The following DLGAP4 variants were observed in gnomAD, a reference collection of about 807,000 sequenced individuals.
The protein encoded by DLGAP4 is disks large-associated protein 4.
DLGAP4 carries 18 observed loss-of-function variants against 86.9 expected under a neutral mutation model. The ratio of observed to expected loss-of-function variants is 0.21; its 90% CI spans 0.14 to 0.31. The LOEUF is 0.31. Among genes scored for constraint, DLGAP4 ranks in the 10% least tolerant of loss-of-function variants. The pLI, the probability that DLGAP4 is intolerant of heterozygous loss-of-function variation, is 1.00. For missense variants in DLGAP4, 1,085 were observed against 1,362.6 expected (o/e 0.80, Z 3.21); for synonymous variants, 548 against 574.3 (o/e 0.95, Z 0.65).
intron 2 of DLGAP4, among the ~76,000 whole-genome samples, chr20:36,402,174 C>T (rs971463213): frequency 6.6e-6 from 1 of 152,224 alleles, no homozygotes; most frequent in Non-Finnish European, 1.5e-5. Flanking sequence ...AGGTTCCGTG[C>T]TAGGGCTCTA....
At chr20:36,516,669 A>G (rs536551495) in intron 10 of DLGAP4, among the ~76,000 whole-genome samples, 18 of 134,198 alleles carry the variant, frequency 1.3e-4, no homozygotes, top group Middle Eastern at 3.8e-3. Context: ...CCGTCTCAGG[A>G]AAAAAAAAAA....
At chr20:36,453,662 G>A (rs1305460404) in intron 7 of DLGAP4, among the ~76,000 whole-genome samples, 1 of 151,978 alleles carries the variant, frequency 6.6e-6, no homozygotes, top group African/African-American at 2.4e-5. Flanking sequence ...GCTGGGCACG[G>A]TGGGTCACAC....
chr20:36,407,400 A>C (rs1421384740), intron 2 of DLGAP4, among the ~76,000 whole-genome samples: 1 of 152,062 alleles, frequency 6.6e-6, no homozygotes, highest in Non-Finnish European at 1.5e-5. Context: ...CCATTCATTC[A>C]CCAGGCTTTT....
chr20:36,391,182 G>A (rs1405323256), intron 2 of DLGAP4, among the ~76,000 whole-genome samples: 1 of 152,146 alleles, frequency 6.6e-6, no homozygotes, highest in African/African-American at 2.4e-5. Flanking sequence ...CCTGGCCTCA[G>A]CTGCAGTGGC....
chr20:36,359,487 G>C (rs1555894060), intron 1 of DLGAP4, among the ~76,000 whole-genome samples: 1 of 152,108 alleles, frequency 6.6e-6, no homozygotes, highest in Non-Finnish European at 1.5e-5. Context: ...CCTTCCGCAG[G>C]GGCTTCTGAG....
At chr20:36,474,994 T>C (rs1435305739) in intron 7 of DLGAP4, among the ~76,000 whole-genome samples, 3 of 151,874 alleles carry the variant, frequency 2.0e-5, no homozygotes, top group Non-Finnish European at 2.9e-5. Flanking sequence ...TGCTGAGAAA[T>C]TGGGGAAGGC....
intron 7 of DLGAP4, among the ~76,000 whole-genome samples, chr20:36,450,904 C>T (rs1722855477): frequency 6.6e-6 from 1 of 152,202 alleles, no homozygotes; most frequent in Non-Finnish European, 1.5e-5. Flanking sequence ...TGATTAGGTA[C>T]AAGTTCTCCC....
At chr20:36,339,801 C>G (rs1309006932) in intron 1 of DLGAP4, among the ~76,000 whole-genome samples, 3 of 152,194 alleles carry the variant, frequency 2.0e-5, no homozygotes, top group African/African-American at 7.2e-5. Context: ...GCTGTGTTTC[C>G]TGTGGAGAGG....
intron 11 of DLGAP4, among the ~76,000 whole-genome samples, chr20:36,524,825 C>T (rs2037607616): frequency 6.6e-6 from 1 of 151,748 alleles, no homozygotes; most frequent in Non-Finnish European, 1.5e-5. Context: ...TCGCCTGAAC[C>T]CGGGAGACAG....
chr20:36,371,250 G>A (rs968229805), intron 2 of DLGAP4, among the ~76,000 whole-genome samples: 1 of 152,226 alleles, frequency 6.6e-6, no homozygotes, highest in Non-Finnish European at 1.5e-5. Context: ...ATGGAGCGGG[G>A]TAGTCTGCTA....
intron 10 of DLGAP4, among the ~76,000 whole-genome samples, chr20:36,514,588 CTTT>C (rs2036926894): frequency 6.6e-6 from 1 of 151,982 alleles, no homozygotes; most frequent in Non-Finnish European, 1.5e-5. Flanking sequence ...TTAAAAATTT[CTTT>C]TTTATAGAGA....
rs1319048572 is a variant in DLGAP4, at chr20:36,467,062, CT to C, written c.1648+20126del. On this transcript the variant is annotated intron_variant, in intron 7 of 12. Transcript: ENST00000339266. The stretch of plus-strand genomic sequence containing the variant: ...TCTCTCTCTCTCTCTCTCTCTCTCT[CT>C]CCCCCCCCCTTCTCTCGGCCCTGCC... Among the ~76,000 whole-genome samples the C allele has an allele frequency of 6.4e-3, 693 of 108,288 alleles. 21 individuals are homozygous for C. The highest frequency in any genetic ancestry group is 9.5e-3 in the Non-Finnish European group (508 of 53,460). The allele number at this position is 108,288 out of a possible 152,430, so 71.0% of individuals were successfully genotyped here.
intron 10 of DLGAP4, among the ~76,000 whole-genome samples, chr20:36,512,292 C>T (rs572407397): frequency 3.3e-5 from 5 of 151,994 alleles, no homozygotes; most frequent in South Asian, 2.1e-4. Context: ...CCTCGTGATC[C>T]GCCCACCGCA....
intron 7 of DLGAP4, among the ~76,000 whole-genome samples, chr20:36,475,801 A>C (rs1176237141): frequency 1.3e-5 from 2 of 152,134 alleles, no homozygotes; most frequent in Non-Finnish European, 2.9e-5. Flanking sequence ...GCTGGGGCTC[A>C]TTCTTCAGTG....
chr20:36,467,053 T>TCTCTCTCTCTCTCTCTCC (rs2034431914), intron 7 of DLGAP4, among the ~76,000 whole-genome samples: 2 of 120,840 alleles, frequency 1.7e-5, no homozygotes, highest in African/African-American at 7.9e-5. Flanking sequence ...TCTCTCTCTC[T>TCTCTCTCTCTCTCTCTCC]CTCTCTCTCT....
intron 7 of DLGAP4, among the ~76,000 whole-genome samples, chr20:36,485,446 A>T (rs537662302): frequency 1.3e-5 from 2 of 152,052 alleles, no homozygotes; most frequent in Non-Finnish European, 2.9e-5. Context: ...CGCTGGGCCC[A>T]GGTTTCCAAC....
chr20:36,492,928 C>A, intron 7 of DLGAP4: 1 of 152,172 alleles, frequency 6.6e-6, no homozygotes, highest in Non-Finnish European at 1.5e-5. Flanking sequence ...TCAAGAGTTG[C>A]TCTAAACAAA....
chr20:36,383,746 C>T (rs1187965939), intron 2 of DLGAP4, among the ~76,000 whole-genome samples: 1 of 152,022 alleles, frequency 6.6e-6, no homozygotes, highest in East Asian at 1.9e-4. Context: ...GAGGCCGAGG[C>T]AGGCGGATCA....
chr20:36,473,168 T>C (rs1481010918), intron 7 of DLGAP4: 1 of 152,264 alleles, frequency 6.6e-6, no homozygotes, highest in Non-Finnish European at 1.5e-5. Flanking sequence ...TCACTTTCCC[T>C]GAAGGTAAGA....
Sources: gnomAD v4.1 joint callset for allele counts (sites outside exome capture counted in the v4.1 genomes callset) on GRCh38, gnomAD v4.1.1 for gene constraint, MANE v1.5 for transcripts, NCBI Gene and HGNC (gene_info 2026-07-23, HGNC 2026-07-21) for gene names.